DAB1: variants seen among roughly 807,000 people sequenced by gnomAD.
DAB1 encodes DAB adaptor protein 1, also known as disabled homolog 1.
In DAB1, 15 loss-of-function variants were observed where a neutral mutation model predicts 64.6. The observed-to-expected ratio is 0.23, with a 90% CI of 0.16 to 0.36. The LOEUF (loss-of-function observed/expected upper bound fraction) is 0.36. Ranked by LOEUF, DAB1 falls within the 10% of genes least tolerant of loss-of-function variation. DAB1 has a pLI of 1.00. For missense variants in DAB1, 596 were observed against 706.7 expected, an observed-to-expected ratio of 0.84 and a Z score of 1.78; for synonymous variants, 235 against 251.9, an observed-to-expected ratio of 0.93 and a Z score of 0.64.
At chr1:57,304,042 T>C (rs1673918027) in intron 1 of DAB1, among the ~76,000 whole-genome samples, 1 of 152,182 alleles carries the variant, frequency 6.6e-6, no homozygotes, top group South Asian at 2.1e-4. Context: ...TATTAGTCCA[T>C]TCTCGTATTG....
chr1:57,573,908 A>G (rs779975438), intron 7 of DAB1, among the ~76,000 whole-genome samples: 4 of 152,200 alleles, frequency 2.6e-5, no homozygotes. Context: ...AAAAAGATTG[A>G]ATAAGGAATA....
At chr1:57,004,027 C>T (rs1645970806) in intron 14 of DAB1, among the ~76,000 whole-genome samples, 1 of 152,206 alleles carries the variant, frequency 6.6e-6, no homozygotes, top group African/African-American at 2.4e-5. Flanking sequence ...ATCCTCTCCA[C>T]TACCACGTGT....
intron 1 of DAB1, among the ~76,000 whole-genome samples, chr1:57,396,313 C>T (rs1182681806): frequency 6.6e-6 from 1 of 152,208 alleles, no homozygotes; most frequent in Admixed American, 6.5e-5. Context: ...CCATAACTAT[C>T]ATGAAGCACG....
intron 6 of DAB1, among the ~76,000 whole-genome samples, chr1:57,720,248 C>T (rs1217900732): frequency 6.6e-6 from 1 of 152,206 alleles, no homozygotes; most frequent in African/African-American, 2.4e-5. Flanking sequence ...TCACACTCTC[C>T]ATCCATAATC....
intron 1 of DAB1, among the ~76,000 whole-genome samples, chr1:57,367,810 T>A (rs931583009): frequency 2.0e-5 from 3 of 152,048 alleles, no homozygotes; most frequent in African/African-American, 7.2e-5. Flanking sequence ...CCAGGCCTCC[T>A]GTTCCATAGA....
chr1:58,017,251 T>C (rs2100444698), intron 5 of DAB1, among the ~76,000 whole-genome samples: 1 of 151,968 alleles, frequency 6.6e-6, no homozygotes, highest in Non-Finnish European at 1.5e-5. Context: ...ATGACAAACT[T>C]CTCATCAGCA....
intron 7 of DAB1, among the ~76,000 whole-genome samples, chr1:57,609,535 G>A (rs1477972012): frequency 6.6e-6 from 1 of 152,074 alleles, no homozygotes; most frequent in African/African-American, 2.4e-5. Context: ...CAATCTAAAA[G>A]GGAAAAAAGA....
intron 6 of DAB1, among the ~76,000 whole-genome samples, chr1:57,790,822 G>T (rs1247683571): frequency 2.0e-5 from 3 of 152,096 alleles, no homozygotes; most frequent in Non-Finnish European, 2.9e-5. Flanking sequence ...TTGAGTTTGG[G>T]TTCCTCAATA....
chr1:57,691,921 G>T (rs1469836641), intron 6 of DAB1, among the ~76,000 whole-genome samples: 3 of 152,048 alleles, frequency 2.0e-5, no homozygotes, highest in East Asian at 3.9e-4. Flanking sequence ...CATGGCTGCC[G>T]GACTAAAGAC....
chr1:58,048,419 T>C, intron 5 of DAB1: 2 of 951,736 alleles, frequency 2.1e-6, no homozygotes, highest in Non-Finnish European at 3.4e-6. Context: ...TCCACCTCTA[T>C]TGTTATAGCT....
chr1:58,040,472 T>C, intron 5 of DAB1, among the ~76,000 whole-genome samples: 1 of 152,234 alleles, frequency 6.6e-6, no homozygotes, highest in East Asian at 1.9e-4. Context: ...CTGACACTTC[T>C]ATTTTCACTT....
At position 57,431,890 on chromosome 1, in the gene DAB1, G is replaced by A. The variant is rs374445563; in HGVS notation, n.626-140724C>T. Among the ~76,000 whole-genome samples, 61 of 152,264 alleles carry A rather than the reference G, an allele frequency of 4.0e-4. 1 individual carries two copies. The East Asian group carries it at 5.8e-3, about 14-fold the overall frequency. ...TATAATCCCAGCACTTTGGGAGGCCGAGGCCGGCAGATCACGAGGTCAGGA... is the reference window on the plus strand; with the variant it reads ...TATAATCCCAGCACTTTGGGAGGCCAAGGCCGGCAGATCACGAGGTCAGGA... On this transcript the variant is annotated intron_variant and non_coding_transcript_variant, in intron 7 of 20. Coordinates refer to the DAB1 transcript ENST00000485760.
chr1:57,277,696 G>A (rs1048145274), intron 2 of DAB1, among the ~76,000 whole-genome samples: 6 of 152,176 alleles, frequency 3.9e-5, no homozygotes, highest in African/African-American at 1.4e-4. Context: ...CCCAATGATA[G>A]GGGTCCTGAT....
At chr1:57,533,673 TA>T (rs5774353) in intron 7 of DAB1, among the ~76,000 whole-genome samples, 1,556 of 147,970 alleles carry the variant, frequency 0.011, 17 homozygotes, top group African/African-American at 0.033. Flanking sequence ...CAGCCAAAAT[TA>T]AAAAAAAAAA....
At chr1:58,365,300 G>A (rs1055394973) in intron 3 of DAB1, among the ~76,000 whole-genome samples, 3 of 152,198 alleles carry the variant, frequency 2.0e-5, no homozygotes, top group Admixed American at 2.0e-4. Context: ...CCACAAGAGA[G>A]TCATAGTAGA....
intron 7 of DAB1, among the ~76,000 whole-genome samples, chr1:57,641,891 A>G (rs959747043): frequency 6.6e-6 from 1 of 152,020 alleles, no homozygotes; most frequent in East Asian, 1.9e-4. Context: ...AGGCTCCGAG[A>G]TTTAGGGAAG....
At chr1:57,099,315 A>G (rs1416826698) in intron 4 of DAB1, among the ~76,000 whole-genome samples, 1 of 152,262 alleles carries the variant, frequency 6.6e-6, no homozygotes, top group Non-Finnish European at 1.5e-5. Flanking sequence ...GAAAGGCTGC[A>G]TATGCATTGT....
chr1:57,280,417 A>G (rs555133655), intron 2 of DAB1, among the ~76,000 whole-genome samples: 1 of 152,326 alleles, frequency 6.6e-6, no homozygotes, highest in African/African-American at 2.4e-5. Context: ...TTGTCTGCTC[A>G]GCAAACTTAC....
intron 4 of DAB1, among the ~76,000 whole-genome samples, chr1:58,174,287 T>C (rs1570447214): frequency 6.6e-6 from 1 of 152,214 alleles, no homozygotes. Flanking sequence ...CCTTTCTAGG[T>C]CCTGTGACAG....
Sources: gnomAD v4.1 joint callset for allele counts (sites outside exome capture counted in the v4.1 genomes callset) on GRCh38, gnomAD v4.1.1 for gene constraint, MANE v1.5 for transcripts, NCBI Gene and HGNC (gene_info 2026-07-23, HGNC 2026-07-21) for gene names.